The following ZNF841 variants were observed in gnomAD, a reference collection of about 807,000 sequenced individuals.
ZNF841 encodes TCONS_00006091.
A neutral mutation model predicts 13.0 loss-of-function variants in ZNF841; 11 were observed. That is an observed-to-expected ratio of 0.85 (90% CI 0.53 to 1.40). The LOEUF is 1.40. Among genes scored for constraint, ZNF841 ranks in the 40% most tolerant of loss-of-function variants. The pLI, the probability that ZNF841 is intolerant of heterozygous loss-of-function variation, is 0.00. For missense variants in ZNF841, 1,068 were observed against 1,139.5 expected (o/e 0.94, Z 0.90); for synonymous variants, 369 against 381.6 (o/e 0.97, Z 0.38).
intron 3 of ZNF841, among the ~76,000 whole-genome samples, chr19:52,087,857 A>C (rs758867728): frequency 6.6e-6 from 1 of 151,904 alleles, no homozygotes; most frequent in East Asian, 1.9e-4. Flanking sequence ...ACGGTGGTCC[A>C]TGCCTGTAAT....
chr19:52,090,907 G>T (rs926704465), intron 2 of ZNF841, among the ~76,000 whole-genome samples: 1 of 152,054 alleles, frequency 6.6e-6, no homozygotes, highest in Non-Finnish European at 1.5e-5. Context: ...GCTCCTTGAG[G>T]TTATCTACTG....
chr19:52,059,464 ACATTTT>A, downstream of ZNF841, among the ~76,000 whole-genome samples: 1 of 150,578 alleles, frequency 6.6e-6, no homozygotes, highest in Admixed American at 6.6e-5. Flanking sequence ...AAGGTCCCTT[ACATTTT>A]AAGTTCAGTG....
chr19:52,075,489 C>T (rs1341532293), intron 6 of ZNF841, among the ~76,000 whole-genome samples: 1 of 152,146 alleles, frequency 6.6e-6, no homozygotes, highest in Non-Finnish European at 1.5e-5. Flanking sequence ...CAAAGAAGAA[C>T]TAAGAAAATG....
intron 6 of ZNF841, among the ~76,000 whole-genome samples, chr19:52,074,876 A>C (rs2087849993): frequency 6.6e-6 from 1 of 152,220 alleles, no homozygotes; most frequent in Non-Finnish European, 1.5e-5. Flanking sequence ...TTAGTATATG[A>C]GATCAACATT....
intron 6 of ZNF841, among the ~76,000 whole-genome samples, chr19:52,074,674 G>A (rs780630532): frequency 3.3e-5 from 5 of 152,014 alleles, no homozygotes; most frequent in African/African-American, 9.7e-5. Context: ...CTGCCACCAC[G>A]CCCGGCTAAC....
At chr19:52,064,302 C>T (rs1346784034), downstream of ZNF841, among the ~76,000 whole-genome samples, 16 of 137,636 alleles carry the variant, frequency 1.2e-4, no homozygotes, top group Non-Finnish European at 2.0e-4. Context: ...GCCGAGATTG[C>T]GCCACTGCAG....
intron 5 of ZNF841, among the ~76,000 whole-genome samples, chr19:52,076,621 C>T (rs1323276744): frequency 1.3e-5 from 2 of 149,484 alleles, no homozygotes; most frequent in Non-Finnish European, 2.9e-5. Flanking sequence ...CCACTGCACT[C>T]CAGCCTGGGT....
At chr19:52,086,394 C>T (rs548941224) in intron 3 of ZNF841, among the ~76,000 whole-genome samples, 2 of 152,288 alleles carry the variant, frequency 1.3e-5, no homozygotes, top group South Asian at 4.1e-4. Flanking sequence ...CTCTCTCTTG[C>T]TCCTGCTCCC....
intron 4 of ZNF841, among the ~76,000 whole-genome samples, chr19:52,077,812 T>G (rs962113657): frequency 1.3e-5 from 2 of 152,212 alleles, no homozygotes; most frequent in Non-Finnish European, 2.9e-5. Flanking sequence ...AGAAATGTAT[T>G]TCTCATGATT....
At chr19:52,091,613 C>T (rs975298826) in intron 2 of ZNF841, among the ~76,000 whole-genome samples, 7 of 152,142 alleles carry the variant, frequency 4.6e-5, no homozygotes, top group Admixed American at 1.3e-4. Flanking sequence ...TAAATCCTGT[C>T]GGGAAAACTG....
In ZNF841 at chr19:52,067,601, G is replaced by A. The variant is rs2087623632; in HGVS notation, c.281C>T (p.Pro94Leu). The part of the protein sequence containing the change: ...CMKGVITGIS[P>L]KCVIKELPPI... ...TGGTAATTCCTTGATCACACATTTA[G>A]GAGAGATACCTGCAAAATATAATGA... Residue 94 changes from proline to leucine, a missense_variant, in exon 7 of 7, where the codon CCT (proline) becomes CTT (leucine). Coordinates refer to ENST00000594440, the MANE Select transcript of ZNF841 (RefSeq NM_001136499.2). 1.3e-6 allele frequency: 2 copies of A among 1,510,154 alleles called. No homozygotes were observed. Among genetic ancestry groups the A allele is most frequent in the Admixed American group, 4.9e-5 (2 of 40,786 alleles). 93.5% of individuals were successfully genotyped at this position (1,510,154 alleles called of 1,614,324 possible).
chr19:52,077,528 C>T (rs1317185810), intron 4 of ZNF841, among the ~76,000 whole-genome samples: 2 of 152,202 alleles, frequency 1.3e-5, no homozygotes, highest in African/African-American at 2.4e-5. Context: ...CCGGGCATTA[C>T]TTCAAAGGAT....
intron 3 of ZNF841, 57 bp from the exon 4 acceptor site, chr19:52,084,935 C>T (rs942173283): frequency 3.0e-5 from 29 of 967,204 alleles, no homozygotes; most frequent in Middle Eastern, 6.5e-4. Context: ...CTTTCTGTGC[C>T]ACAACCATGC....
At chr19:52,061,548 T>C (rs1180333019), downstream of ZNF841, among the ~76,000 whole-genome samples, 1 of 151,850 alleles carries the variant, frequency 6.6e-6, no homozygotes, top group African/African-American at 2.4e-5. Flanking sequence ...CCCCCCACTC[T>C]TACTTTTTCT....
intron 3 of ZNF841, among the ~76,000 whole-genome samples, chr19:52,086,696 A>C (rs141718799): frequency 6.6e-6 from 1 of 152,372 alleles, no homozygotes; most frequent in Non-Finnish European, 1.5e-5. Flanking sequence ...CACATTGGGA[A>C]ACATTCAGAG....
chr19:52,082,659 T>C (rs60193983), intron 4 of ZNF841, among the ~76,000 whole-genome samples: 2 of 152,114 alleles, frequency 1.3e-5, no homozygotes, highest in African/African-American at 2.4e-5. Context: ...GAAGACAGCA[T>C]GCACAGAGGA....
intron 3 of ZNF841, among the ~76,000 whole-genome samples, chr19:52,087,722 A>G (rs2123360401): frequency 6.6e-6 from 1 of 152,164 alleles, no homozygotes; most frequent in South Asian, 2.1e-4. Context: ...GCGGTGGCTC[A>G]CACTTGTAAT....
chr19:52,061,929 G>A (rs1210014530), downstream of ZNF841, among the ~76,000 whole-genome samples: 3 of 152,060 alleles, frequency 2.0e-5, no homozygotes, highest in Non-Finnish European at 4.4e-5. Context: ...GTGCTCCTGA[G>A]GCTAAAACCA....
chr19:52,090,724 A>AAAAG, intron 2 of ZNF841, among the ~76,000 whole-genome samples: 1 of 151,152 alleles, frequency 6.6e-6, no homozygotes, highest in Non-Finnish European at 1.5e-5. Context: ...AAAGAAAGAA[A>AAAAG]AAAGAAAGGA....
Sources: gnomAD v4.1 joint callset for allele counts (sites outside exome capture counted in the v4.1 genomes callset) on GRCh38, gnomAD v4.1.1 for gene constraint, MANE v1.5 for transcripts, NCBI Gene and HGNC (gene_info 2026-07-23, HGNC 2026-07-21) for gene names.